The following ZFHX3 variants were observed in gnomAD, a reference collection of about 807,000 sequenced individuals.
ZFHX3 encodes zinc finger homeobox 3, also known as zinc finger homeobox protein 3.
In ZFHX3, 42 loss-of-function variants were observed where a neutral mutation model predicts 279.1. That is an observed-to-expected ratio of 0.15 (90% CI 0.12 to 0.19). ZFHX3 has a LOEUF of 0.19. Among genes scored for constraint, ZFHX3 ranks in the 10% least tolerant of loss-of-function variants. ZFHX3 has a pLI of 1.00. For missense variants in ZFHX3, 4,981 were observed against 4,754.0 expected, an observed-to-expected ratio of 1.05 and a Z score of -1.40; for synonymous variants, 2,293 against 1,957.8, an observed-to-expected ratio of 1.17 and a Z score of -4.52.
chr16:73,782,989 A>G (rs868815071), intron 1 of ZFHX3, among the ~76,000 whole-genome samples: 26 of 152,248 alleles, frequency 1.7e-4, no homozygotes, highest in African/African-American at 6.0e-4. Context: ...GGGATTCTCT[A>G]TTTTCCCCAA....
intron 1 of ZFHX3, among the ~76,000 whole-genome samples, chr16:73,042,212 G>T (rs1022256311): frequency 1.3e-5 from 2 of 152,158 alleles, no homozygotes; most frequent in Admixed American, 1.3e-4. Flanking sequence ...GCAGGGCTGA[G>T]ATCAACTATC....
At chr16:73,040,823 G>A (rs1225782308) in intron 1 of ZFHX3, among the ~76,000 whole-genome samples, 1 of 152,208 alleles carries the variant, frequency 6.6e-6, no homozygotes, top group Non-Finnish European at 1.5e-5. Flanking sequence ...ATGAAGCCCT[G>A]ATTCCTATTT....
At chr16:72,880,172 T>C (rs1218527641) in intron 4 of ZFHX3, among the ~76,000 whole-genome samples, 1 of 152,140 alleles carries the variant, frequency 6.6e-6, no homozygotes, top group Non-Finnish European at 1.5e-5. Context: ...ATGACCTCCC[T>C]TCATCTCTCC....
chr16:73,037,113 G>A (rs928879730), intron 1 of ZFHX3, among the ~76,000 whole-genome samples: 1 of 152,060 alleles, frequency 6.6e-6, no homozygotes, highest in Non-Finnish European at 1.5e-5. Flanking sequence ...AGATACACCC[G>A]TATATCACAA....
Position 72,787,243 on chromosome 16 carries a change from G to A in ZFHX3, c.11033C>T (p.Pro3678Leu), listed in dbSNP as rs147553973. The A allele has an allele frequency of 3.1e-6, 5 of 1,613,872 alleles. No homozygotes were observed. Among genetic ancestry groups the A allele is most frequent in the African/African-American group, 2.7e-5 (2 of 74,854 alleles). Residue 3678 changes from proline to leucine, a missense_variant, in exon 10 of 10, where the codon CCG becomes CTG. Around this residue, in one of 7 missense-constraint regions of ZFHX3, gnomAD observed 1,034 missense variants for 786.0 expected, o/e 1.32. Coordinates refer to ENST00000268489, the MANE Select transcript of ZFHX3 (RefSeq NM_006885.4). Reference protein sequence around the residue: ...LSQKSDGPASPVEGPKDPSCP... With the variant: ...LSQKSDGPASLVEGPKDPSCP... The stretch of plus-strand genomic sequence containing the variant: ...GCTGGGGTCTTTGGGACCCTCCACC[G>A]GGCTCGCCGGTCCGTCGGACTTTTG...
intron 5 of ZFHX3, among the ~76,000 whole-genome samples, chr16:73,173,393 T>C (rs944007539): frequency 6.7e-6 from 1 of 148,658 alleles, no homozygotes; most frequent in Non-Finnish European, 1.5e-5. Flanking sequence ...GGCATATTTG[T>C]CCTCTCTTCT....
At chr16:73,316,829 G>A (rs2049998899) in intron 4 of ZFHX3, among the ~76,000 whole-genome samples, 2 of 152,172 alleles carry the variant, frequency 1.3e-5, no homozygotes, top group Admixed American at 6.5e-5. Context: ...ATCCGGATAT[G>A]GTGGAGAAAG....
At chr16:72,792,576 C>G (rs1005880461) in intron 9 of ZFHX3, among the ~76,000 whole-genome samples, 1 of 152,118 alleles carries the variant, frequency 6.6e-6, no homozygotes, top group Non-Finnish European at 1.5e-5. Context: ...CTCAGCCTCC[C>G]GAATAGCTGG....
intron 3 of ZFHX3, among the ~76,000 whole-genome samples, chr16:72,944,249 C>T (rs895134443): frequency 4.6e-5 from 7 of 152,194 alleles, no homozygotes; most frequent in African/African-American, 1.7e-4. Flanking sequence ...CACGCCACTG[C>T]ACTCCCATGT....
At chr16:73,281,982 T>C (rs1003601535) in intron 4 of ZFHX3, among the ~76,000 whole-genome samples, 1 of 152,126 alleles carries the variant, frequency 6.6e-6, no homozygotes, top group Non-Finnish European at 1.5e-5. Flanking sequence ...AGCACAAAGC[T>C]ACCTCAAAGG....
intron 1 of ZFHX3, among the ~76,000 whole-genome samples, chr16:72,964,102 G>C (rs1961714297): frequency 6.6e-6 from 1 of 152,182 alleles, no homozygotes; most frequent in Non-Finnish European, 1.5e-5. Context: ...CTGCCGGAGG[G>C]AGAAGCAGTG....
In ZFHX3 at chr16:73,846,984, T is replaced by C. The variant is rs1273466133; in HGVS notation, c.-1608+44667A>G. Among the ~76,000 whole-genome samples, 3 of 152,166 alleles carry C rather than the reference T, an allele frequency of 2.0e-5. No homozygotes were observed. In the East Asian group the frequency reaches 5.8e-4, roughly 29 times the overall value. ...TGTAGGTCACAGTGATTCCCCTTAG[T>C]GCTCAAAGATTGCAGGGCTTTAAAA... On this transcript the variant is annotated intron_variant, in intron 1 of 17. Transcript: ENST00000641206.
intron 3 of ZFHX3, chr16:73,400,277 C>G (rs2143427679): frequency 6.6e-6 from 1 of 152,268 alleles, no homozygotes; most frequent in African/African-American, 2.4e-5. Context: ...CAGGTCTGAG[C>G]AAAATGCTAA....
chr16:73,636,018 C>G (rs978252304), intron 2 of ZFHX3, among the ~76,000 whole-genome samples: 17 of 152,062 alleles, frequency 1.1e-4, no homozygotes, highest in African/African-American at 4.1e-4. Flanking sequence ...ACTATTGAAA[C>G]AGGGCAGCTT....
chr16:73,159,780 T>G (rs1191902864), intron 5 of ZFHX3, among the ~76,000 whole-genome samples: 1 of 152,220 alleles, frequency 6.6e-6, no homozygotes, highest in African/African-American at 2.4e-5. Flanking sequence ...TATTATTTTT[T>G]GATATAGAGT....
chr16:72,842,608 C>T (rs1054837431), intron 4 of ZFHX3, among the ~76,000 whole-genome samples: 6 of 152,002 alleles, frequency 3.9e-5, no homozygotes, highest in African/African-American at 1.5e-4. Context: ...TCTTCACTTA[C>T]CAAGCAAAAT....
Position 72,959,923 on chromosome 16 carries a change from CGGGCTCGGAGGG to C in ZFHX3, c.211_222del (p.Pro71_Pro74del). ...TCGTTGCAGGTGACCTCCTTGCTGG[CGGGCTCGGAGGG>C]GGGCCCGGCCGACGCGGTGCTCTCC... On this transcript the variant is annotated inframe_deletion, in exon 2 of 10. Coordinates refer to ENST00000268489, the MANE Select transcript of ZFHX3 (RefSeq NM_006885.4). The C allele has an allele frequency of 6.3e-7, 1 of 1,598,904 alleles. No homozygotes were observed. The highest frequency in any genetic ancestry group is 1.1e-5 in the South Asian group (1 of 88,928).
At chr16:73,150,705 T>C (rs1966919350) in intron 5 of ZFHX3, among the ~76,000 whole-genome samples, 1 of 152,186 alleles carries the variant, frequency 6.6e-6, no homozygotes, top group African/African-American at 2.4e-5. Flanking sequence ...GTGGACATGA[T>C]TTGCTCTCAT....
chr16:73,778,281 A>G (rs1959331320), intron 1 of ZFHX3, among the ~76,000 whole-genome samples: 2 of 149,858 alleles, frequency 1.3e-5, no homozygotes, highest in African/African-American at 5.0e-5. Flanking sequence ...CTTCAACTCA[A>G]AATGAAATCT....
Sources: gnomAD v4.1 joint callset for allele counts (sites outside exome capture counted in the v4.1 genomes callset) on GRCh38, gnomAD v4.1.1 for gene constraint, gnomAD v4.1.1 regional missense constraint, MANE v1.5 for transcripts, NCBI Gene and HGNC (gene_info 2026-07-23, HGNC 2026-07-21) for gene names.